MCF2L: variants seen among roughly 807,000 people sequenced by gnomAD.
MCF2L encodes the protein guanine nucleotide exchange factor DBS.
A neutral mutation model predicts 153.4 loss-of-function variants in MCF2L; 97 were observed. That is an observed-to-expected ratio of 0.63 (90% CI 0.54 to 0.75). The LOEUF (loss-of-function observed/expected upper bound fraction) is 0.75, where lower values mean the gene tolerates loss of function less well. Among genes scored for constraint, MCF2L ranks in the 30% least tolerant of loss-of-function variants. The pLI is 0.00. For synonymous variants in MCF2L, 659 were observed against 632.2 expected (o/e 1.04, Z -0.64); for missense variants, 1,347 against 1,495.2 (o/e 0.90, Z 1.64).
chr13:113,087,249 C>T lies in MCF2L; in HGVS notation c.2388C>T (p.Asp796=). Residue 796 remains aspartate, a synonymous_variant, in exon 22 of 30, where the codon GAC becomes GAT. Coordinates refer to ENST00000535094, the MANE Select transcript of MCF2L (RefSeq NM_001112732.3). ...AITGYDGNLG[D]LGKLLMQGSF... is the part of the protein sequence containing the mutation. ...CGCACATTTAGGGGAATCTCGGCGA[C>T]CTGGGCAAGCTGCTGATGCAGGGCT... 1 of 1,611,762 alleles carries T rather than the reference C, an allele frequency of 6.2e-7. No individual in the cohort carries two copies. Among genetic ancestry groups the T allele is most frequent in the Non-Finnish European group, 8.5e-7 (1 of 1,179,808 alleles).
intron 26 of MCF2L, 48 bp downstream of exon 26, chr13:113,089,776 C>G: frequency 6.3e-7 from 1 of 1,597,394 alleles, no homozygotes; most frequent in Middle Eastern, 1.7e-4. Context: ...TCACACGGAG[C>G]TGCTCACGGA....
At chr13:113,015,560 G>C (rs35786512) in intron 2 of MCF2L, among the ~76,000 whole-genome samples, 5 of 151,986 alleles carry the variant, frequency 3.3e-5, no homozygotes, top group Non-Finnish European at 7.4e-5. Flanking sequence ...CTGCATTCCC[G>C]TCAGCATCCC....
chr13:112,910,268 T>G (rs1182851786), intron 2 of MCF2L: 1 of 152,252 alleles, frequency 6.6e-6, no homozygotes, highest in Non-Finnish European at 1.5e-5. Context: ...AAACAACTGA[T>G]GTCAGTAAAA....
chr13:113,062,889 T>A (rs544109012), intron 5 of MCF2L, among the ~76,000 whole-genome samples: 1 of 152,326 alleles, frequency 6.6e-6, no homozygotes, highest in Non-Finnish European at 1.5e-5. Flanking sequence ...GTTTTCCACA[T>A]AACCATAACC....
At chr13:113,000,890 G>T (rs1423402430) in intron 1 of MCF2L, among the ~76,000 whole-genome samples, 1 of 152,224 alleles carries the variant, frequency 6.6e-6, no homozygotes, top group Non-Finnish European at 1.5e-5. Context: ...AGGCCTTCTC[G>T]GCTGGGGCTG....
rs1220698341 is a variant in MCF2L, at chr13:113,054,396, G to A, written c.370-6197G>A. On this transcript the variant is annotated intron_variant, in intron 4 of 29. Transcript: ENST00000535094. The surrounding 1 kb of genome is among the most constrained non-coding windows in gnomAD (Gnocchi z 5.2). The stretch of plus-strand genomic sequence containing the variant: ...GTGATGGCCTCACGCACACGGCAGC[G>A]GCCATTCTGAGCACTCGTGTCTGAA... The A allele has an allele frequency of 2.4e-5, 4 of 167,436 alleles. No individual in the cohort carries two copies. The highest frequency in any genetic ancestry group is 1.9e-4 in the East Asian group (1 of 5,198). The allele number at this position is 167,436 out of a possible 1,614,324, so 10.4% of individuals were successfully genotyped here.
chr13:113,065,090 ATGGGGGGTGCTCCGGCTGGAAGC>A lies in MCF2L; in HGVS notation c.756+8_756+30del, dbSNP rs752655491. 2 of 1,401,240 alleles carry A rather than the reference ATGGGGGGTGCTCCGGCTGGAAGC, an allele frequency of 1.4e-6. No individual in the cohort carries two copies. Among genetic ancestry groups the A allele is most frequent in the Admixed American group, 3.9e-5 (2 of 51,018 alleles). 86.8% of individuals were successfully genotyped at this position (1,401,240 alleles called of 1,614,324 possible). A position where few individuals can be genotyped will look rare whatever the true frequency, so the allele number is the denominator to read the frequency against. On this transcript the variant is annotated splice_donor_region_variant and intron_variant, in intron 7 of 29. Coordinates refer to ENST00000535094, the MANE Select transcript of MCF2L (RefSeq NM_001112732.3). ...GAGAAGAAGGACAAGGCGAAGGTACATGGGGGGTGCTCCGGCTGGAAGCTGTGGGGGGCTCCGGTCAGTCAGAA... is the reference window on the plus strand; with the variant it reads ...GAGAAGAAGGACAAGGCGAAGGTACATGTGGGGGGCTCCGGTCAGTCAGAA...
chr13:113,095,880 A>T, intron 27 of MCF2L: 2 of 819,294 alleles, frequency 2.4e-6, no homozygotes, highest in Non-Finnish European at 3.0e-6. Context: ...GGCCCCGGAG[A>T]CAAAGCGGGA....
intron 1 of MCF2L, among the ~76,000 whole-genome samples, chr13:113,008,572 C>T (rs1005594177): frequency 2.6e-5 from 4 of 152,222 alleles, no homozygotes; most frequent in African/African-American, 9.6e-5. Flanking sequence ...GGATGGGCTG[C>T]ATCCTAAGAA....
rs543636530 is a variant in MCF2L at position 113,067,184 on chromosome 13, G to A, written c.881+1014G>A. Among the ~76,000 whole-genome samples the A allele has an allele frequency of 1.4e-4, 22 of 152,346 alleles. No individual in the cohort carries two copies. The South Asian group carries it at 4.6e-3, about 32-fold the overall frequency. ...GGGTGGGCGTGGGGCTGACTGGGTGGTGCACAGCTGGAGTCCCAGCTACGC... is the reference window on the plus strand; with the variant it reads ...GGGTGGGCGTGGGGCTGACTGGGTGATGCACAGCTGGAGTCCCAGCTACGC... On this transcript the variant is annotated intron_variant, in intron 8 of 29. Coordinates refer to ENST00000535094, the MANE Select transcript of MCF2L (RefSeq NM_001112732.3).
chr13:113,060,854 G>T, intron 5 of MCF2L, 142 bp downstream of exon 5: 2 of 1,118,102 alleles, frequency 1.8e-6, no homozygotes, highest in Non-Finnish European at 2.5e-6. Flanking sequence ...GCGGGAAGTT[G>T]CACCTCCTCA....
intron 1 of MCF2L, among the ~76,000 whole-genome samples, chr13:112,974,416 G>A (rs534819256): frequency 2.4e-3 from 359 of 152,280 alleles, no homozygotes; most frequent in Non-Finnish European, 4.3e-3. Flanking sequence ...AACCTCATTG[G>A]ATGAGTTTGC....
upstream of MCF2L, chr13:112,969,146 G>A (rs1439368547): frequency 2.0e-5 from 7 of 354,342 alleles, no homozygotes; most frequent in Non-Finnish European, 2.2e-5. This position sits in a 1 kb window ranked among gnomAD's most constrained non-coding sequence, Gnocchi z 4.8. Context: ...GCGGGCGCGC[G>A]CCGCTTCCGC....
intron 5 of MCF2L, among the ~76,000 whole-genome samples, chr13:113,063,271 C>T (rs988345327): frequency 1.3e-5 from 2 of 152,166 alleles, no homozygotes; most frequent in South Asian, 2.1e-4. Flanking sequence ...CGAAGCCAGG[C>T]GCCCCTGTCC....
intron 2 of MCF2L, among the ~76,000 whole-genome samples, chr13:113,021,056 ATG>A (rs2084853113): frequency 6.6e-6 from 1 of 151,710 alleles, no homozygotes; most frequent in African/African-American, 2.4e-5. Flanking sequence ...GTGTATATCC[ATG>A]TGTGTATATA....
At chr13:113,065,243 T>C (rs2032183487) in intron 7 of MCF2L, 158 bp downstream of exon 7, 2 of 762,536 alleles carry the variant, frequency 2.6e-6, no homozygotes, top group Non-Finnish European at 2.1e-6. Flanking sequence ...GAGATGCCTT[T>C]TGATGGCAAT....
chr13:113,043,377 C>G (rs2086621107), intron 3 of MCF2L: 1 of 152,286 alleles, frequency 6.6e-6, no homozygotes, highest in Non-Finnish European at 1.5e-5. Flanking sequence ...CTCCTTCACT[C>G]TAGGAGGACT....
chr13:113,013,187 G>A (rs1315792713), intron 1 of MCF2L, among the ~76,000 whole-genome samples: 1 of 151,968 alleles, frequency 6.6e-6, no homozygotes, highest in Non-Finnish European at 1.5e-5. Context: ...GTGCACCAGT[G>A]GAAGTCACCT....
chr13:113,062,419 G>C (rs1006582478), intron 5 of MCF2L, among the ~76,000 whole-genome samples: 67 of 152,160 alleles, frequency 4.4e-4, no homozygotes, highest in African/African-American at 1.5e-3. Flanking sequence ...TTATGATGGA[G>C]ATAACTCCGT....
Sources: allele counts gnomAD v4.1 joint callset (sites outside exome capture counted in the v4.1 genomes callset), GRCh38; gene constraint gnomAD v4.1.1; non-coding constraint Gnocchi (gnomAD v3.1); transcripts MANE v1.5; gene names NCBI Gene and HGNC (gene_info 2026-07-23, HGNC 2026-07-21).